The following CWC27 variants were observed in gnomAD, a reference collection of about 807,000 sequenced individuals.
CWC27 encodes the protein spliceosome-associated protein CWC27 homolog.
Under a neutral mutation model 63.6 loss-of-function variants are expected in CWC27, and 47 were observed. The ratio of observed to expected loss-of-function variants is 0.74; its 90% CI spans 0.58 to 0.94. The LOEUF is 0.94. Among genes scored for constraint, CWC27 ranks in the 40% least tolerant of loss-of-function variants. CWC27 has a pLI of 0.00. For synonymous variants in CWC27, 175 were observed against 179.8 expected, an observed-to-expected ratio of 0.97 and a Z score of 0.22; for missense variants, 495 against 554.3, an observed-to-expected ratio of 0.89 and a Z score of 1.07.
chr5:64,911,698 C>G (rs1215922827), intron 11 of CWC27, among the ~76,000 whole-genome samples: 1 of 152,100 alleles, frequency 6.6e-6, no homozygotes, highest in Non-Finnish European at 1.5e-5. Flanking sequence ...AGTCCAGGGT[C>G]TGCTAAGGGG....
At chr5:64,808,404 A>C in intron 10 of CWC27, 1 of 916,022 alleles carries the variant, frequency 1.1e-6, no homozygotes, top group Non-Finnish European at 1.3e-6. Flanking sequence ...ATTAGGTTAC[A>C]TATACATTTT....
chr5:64,993,218 A>G (rs1749570378), intron 13 of CWC27, among the ~76,000 whole-genome samples: 1 of 152,218 alleles, frequency 6.6e-6, no homozygotes, highest in Non-Finnish European at 1.5e-5. Context: ...GTGGGGGTGC[A>G]TGGTACTAGG....
At chr5:64,981,249 AAAGTAT>A (rs1749327626) in intron 13 of CWC27, among the ~76,000 whole-genome samples, 1 of 152,208 alleles carries the variant, frequency 6.6e-6, no homozygotes, top group African/African-American at 2.4e-5. Flanking sequence ...CAAATATGTA[AAAGTAT>A]ATTTTTATAC....
intron 1 of CWC27, among the ~76,000 whole-genome samples, chr5:64,772,570 T>C (rs1743299865): frequency 8.0e-6 from 1 of 125,258 alleles, no homozygotes; most frequent in Non-Finnish European, 1.6e-5. Context: ...GAGGTTGCAG[T>C]GAACTGAGAT....
chr5:64,905,205 A>AAAAAAAAAAAAC (rs1211087529), intron 11 of CWC27, among the ~76,000 whole-genome samples: 66 of 148,010 alleles, frequency 4.5e-4, no homozygotes, highest in African/African-American at 1.7e-3. Flanking sequence ...CATCTCAAAA[A>AAAAAAAAAAAAC]AAAAAAAAAA....
intron 10 of CWC27, chr5:64,807,865 C>T (rs910358752): frequency 1.0e-5 from 15 of 1,493,716 alleles, no homozygotes; most frequent in East Asian, 2.5e-5. Flanking sequence ...TAAAAACTAA[C>T]AAAACCATTC....
At chr5:64,962,560 C>T (rs1416621345) in intron 11 of CWC27, among the ~76,000 whole-genome samples, 2 of 152,134 alleles carry the variant, frequency 1.3e-5, no homozygotes, top group Admixed American at 6.6e-5. Flanking sequence ...TTTTTCAGAA[C>T]TCTATGTGGC....
chr5:64,784,103 T>C (rs974692278), intron 4 of CWC27, 124 bp downstream of exon 4: 2 of 852,400 alleles, frequency 2.3e-6, no homozygotes, highest in African/African-American at 3.5e-5. Flanking sequence ...CCATAGGATA[T>C]GTTTATTATT....
intron 7 of CWC27, among the ~76,000 whole-genome samples, chr5:64,789,987 T>C (rs1342501345): frequency 2.6e-5 from 4 of 152,164 alleles, no homozygotes; most frequent in African/African-American, 7.2e-5. Context: ...TGTTCCCTTA[T>C]TAGTGAGCAC....
At chr5:64,773,690 T>C (rs959776792) in intron 1 of CWC27, among the ~76,000 whole-genome samples, 4 of 152,134 alleles carry the variant, frequency 2.6e-5, no homozygotes, top group African/African-American at 7.2e-5. Context: ...ACTGGAGAAA[T>C]TGGTTTCCAG....
At chr5:64,869,705 A>G (rs745661756) in intron 10 of CWC27, among the ~76,000 whole-genome samples, 4 of 152,128 alleles carry the variant, frequency 2.6e-5, no homozygotes, top group Non-Finnish European at 5.9e-5. Context: ...TTAAGCCACT[A>G]TAATAGGTGA....
At chr5:64,890,239 C>T (rs1014787551) in intron 11 of CWC27, among the ~76,000 whole-genome samples, 7 of 152,092 alleles carry the variant, frequency 4.6e-5, no homozygotes, top group African/African-American at 1.7e-4. Context: ...GAAACATATC[C>T]CTGAGGTGCC....
chr5:65,015,015 G>C (rs1221447678), intron 13 of CWC27, among the ~76,000 whole-genome samples: 4 of 152,162 alleles, frequency 2.6e-5, no homozygotes, highest in African/African-American at 9.7e-5. Context: ...CTTGCTTAGT[G>C]CAGTGGTGTA....
intron 10 of CWC27, among the ~76,000 whole-genome samples, chr5:64,854,029 G>T (rs1422596577): frequency 6.6e-6 from 1 of 152,084 alleles, no homozygotes; most frequent in African/African-American, 2.4e-5. Flanking sequence ...TATTAATTCA[G>T]TTACTCTAGA....
At position 64,971,683 on chromosome 5, in the gene CWC27, AATATTCTACT is replaced by A; in HGVS notation, c.1043-17_1043-8del. 6.5e-7 allele frequency: 1 copy of A among 1,535,322 alleles called. No homozygotes were observed. The highest frequency in any genetic ancestry group is 1.7e-4 in the Middle Eastern group (1 of 5,766). ...GAGCTATTTTACTGCTTATTCTAAA[AATATTCTACT>A]ATTCTTTAGAGGAAGAAGCCCCTCC... is the stretch of plus-strand genomic sequence containing the variant. On this transcript the variant is annotated splice_polypyrimidine_tract_variant and intron_variant, in intron 11 of 13. Transcript: ENST00000381070.
chr5:64,841,819 A>G (rs909245569), intron 10 of CWC27, among the ~76,000 whole-genome samples: 1 of 151,262 alleles, frequency 6.6e-6, no homozygotes, highest in Non-Finnish European at 1.5e-5. Context: ...GGGATTACAG[A>G]CCTGTGCCAC....
intron 11 of CWC27, among the ~76,000 whole-genome samples, chr5:64,892,164 A>G (rs561674135): frequency 5.9e-5 from 9 of 152,250 alleles, no homozygotes; most frequent in African/African-American, 2.2e-4. Context: ...GTCTTAACAC[A>G]GTTTTCTAAT....
chr5:64,844,579 C>G (rs1018900153), intron 10 of CWC27, among the ~76,000 whole-genome samples: 1 of 152,152 alleles, frequency 6.6e-6, no homozygotes, highest in African/African-American at 2.4e-5. Context: ...CAGCAGCTCC[C>G]CTCACCCTCA....
chr5:64,979,965 TAAAAAAA>T (rs35301190), intron 13 of CWC27, among the ~76,000 whole-genome samples: 6 of 112,292 alleles, frequency 5.3e-5, no homozygotes, highest in Non-Finnish European at 9.2e-5. Flanking sequence ...ACTTTTTATG[TAAAAAAA>T]AAAAAAAAAA....
Sources: allele counts gnomAD v4.1 joint callset (sites outside exome capture counted in the v4.1 genomes callset), GRCh38; gene constraint gnomAD v4.1.1; transcripts MANE v1.5; gene names NCBI Gene and HGNC (gene_info 2026-07-23, HGNC 2026-07-21).